ANKIB1: variants seen among roughly 807,000 people sequenced by gnomAD.
ANKIB1 encodes the protein ankyrin repeat and IBR domain-containing protein 1.
A neutral mutation model predicts 122.1 loss-of-function variants in ANKIB1; 43 were observed. The observed-to-expected ratio is 0.35, with a 90% CI of 0.28 to 0.45. The LOEUF (loss-of-function observed/expected upper bound fraction) is 0.45. ANKIB1 is among the 20% of genes least tolerant of loss of function. The probability of loss-of-function intolerance (pLI) is 1.00; values close to 1 mark genes in which losing one functional copy is unlikely to be tolerated. For missense variants in ANKIB1, 992 were observed against 1,329.5 expected (o/e 0.75, Z 3.95); for synonymous variants, 390 against 442.0 (o/e 0.88, Z 1.48).
intron 7 of ANKIB1, among the ~76,000 whole-genome samples, chr7:92,345,440 C>G (rs1187756615): frequency 6.6e-6 from 1 of 152,084 alleles, no homozygotes; most frequent in Non-Finnish European, 1.5e-5. Context: ...TTGTGACAAC[C>G]AAGTTGCCTT....
chr7:92,339,580 A>G lies in ANKIB1; in HGVS notation c.788-3444A>G, dbSNP rs187607844. ...TGTTCGTTCAACAGATTTCTATTGA[A>G]TATACACTTTGAACTAGGCACTAGG... is the stretch of plus-strand genomic sequence containing the variant. On this transcript the variant is annotated intron_variant, in intron 5 of 19. Transcript: ENST00000265742. 2.2e-3 allele frequency among the ~76,000 whole-genome samples: 329 copies of G among 152,312 alleles called. 1 individual carries two copies. The highest frequency in any genetic ancestry group is 5.2e-3 in the Admixed American group (80 of 15,290).
chr7:92,329,397 C>G (rs773395874), intron 5 of ANKIB1, among the ~76,000 whole-genome samples: 5 of 152,036 alleles, frequency 3.3e-5, no homozygotes, highest in Non-Finnish European at 5.9e-5. Context: ...AGGAATAACC[C>G]CAGAGAATCT....
chr7:92,372,498 T>C (rs1255643977), intron 11 of ANKIB1, among the ~76,000 whole-genome samples: 1 of 152,180 alleles, frequency 6.6e-6, no homozygotes, highest in Non-Finnish European at 1.5e-5. Context: ...GATGTCTGTA[T>C]AATACAAGAA....
At chr7:92,276,352 A>G (rs545522911) in intron 1 of ANKIB1, among the ~76,000 whole-genome samples, 22 of 152,362 alleles carry the variant, frequency 1.4e-4, no homozygotes, top group Non-Finnish European at 2.8e-4. Flanking sequence ...AGACACAGAC[A>G]CTGTATATAT....
At chr7:92,300,095 C>T (rs1802431796) in intron 2 of ANKIB1, among the ~76,000 whole-genome samples, 1 of 152,086 alleles carries the variant, frequency 6.6e-6, no homozygotes, top group Non-Finnish European at 1.5e-5. Flanking sequence ...AGGCATGAGC[C>T]GCCACACCTG....
intron 7 of ANKIB1, among the ~76,000 whole-genome samples, chr7:92,348,664 G>A (rs910135064): frequency 2.0e-5 from 3 of 152,160 alleles, no homozygotes; most frequent in Admixed American, 6.5e-5. Flanking sequence ...GATTATAGGC[G>A]TGAGCCACCG....
At chr7:92,321,382 CCT>C (rs908465416) in intron 4 of ANKIB1, among the ~76,000 whole-genome samples, 4 of 152,006 alleles carry the variant, frequency 2.6e-5, no homozygotes, top group African/African-American at 4.8e-5. Context: ...CTTTATACCC[CCT>C]GTTTATTTTT....
intron 8 of ANKIB1, 126 bp downstream of exon 8, chr7:92,351,220 T>C: frequency 1.2e-6 from 1 of 817,648 alleles, no homozygotes; most frequent in South Asian, 3.5e-5. Flanking sequence ...TTAGAAACAC[T>C]TTATCAGAAA....
intron 11 of ANKIB1, among the ~76,000 whole-genome samples, chr7:92,375,493 T>G (rs1348221811): frequency 1.3e-5 from 2 of 152,234 alleles, no homozygotes; most frequent in Non-Finnish European, 2.9e-5. Flanking sequence ...GAAACCAGTT[T>G]CTTTGCTTAT....
chr7:92,355,385 C>A (rs995807495), intron 9 of ANKIB1, among the ~76,000 whole-genome samples: 5 of 152,134 alleles, frequency 3.3e-5, no homozygotes, highest in African/African-American at 1.2e-4. Context: ...TTCTTGGCCA[C>A]CAAACTTAAG....
intron 6 of ANKIB1, 64 bp downstream of exon 6, chr7:92,343,296 T>G: frequency 1.4e-6 from 2 of 1,401,544 alleles, no homozygotes; most frequent in Non-Finnish European, 2.0e-6. Context: ...ATTCAAATGA[T>G]TTAATATTGT....
At chr7:92,385,044 AAAC>A (rs1804603097) in intron 11 of ANKIB1, among the ~76,000 whole-genome samples, 1 of 152,126 alleles carries the variant, frequency 6.6e-6, no homozygotes. Context: ...TACAAGAAAA[AAAC>A]AACCCCATCA....
In ANKIB1 at chr7:92,398,640, G is replaced by C. The variant is rs1562803303; in HGVS notation, c.2961G>C (p.Leu987=). 2 of 1,613,786 alleles carry C rather than the reference G, an allele frequency of 1.2e-6. No individual in the cohort carries two copies. Among genetic ancestry groups the C allele is most frequent in the Non-Finnish European group, 1.7e-6 (2 of 1,179,878 alleles). The stretch of plus-strand genomic sequence containing the variant: ...ACATGAACCCTCAGAGTATTGCCCT[G>C]ATTCCTCCAGCAACTACAGAAATCA... ...FHDMNPQSIA[L]IPPATTEISA... Residue 987 remains leucine, a synonymous_variant, in exon 20 of 20, where the codon CTG becomes CTC. Coordinates refer to ENST00000265742, the MANE Select transcript of ANKIB1 (RefSeq NM_019004.2).
At chr7:92,345,115 A>G (rs1223791307) in intron 7 of ANKIB1, 49 bp downstream of exon 7, 1 of 1,304,924 alleles carries the variant, frequency 7.7e-7, no homozygotes, top group Non-Finnish European at 1.1e-6. Context: ...TAGCACTCTG[A>G]TTTGTTAATA....
At chr7:92,385,122 T>C (rs1369298876) in intron 11 of ANKIB1, among the ~76,000 whole-genome samples, 1 of 152,088 alleles carries the variant, frequency 6.6e-6, no homozygotes, top group Admixed American at 6.6e-5. Context: ...CCAACAGGCA[T>C]GAAAAAATGC....
chr7:92,267,838 C>T (rs1801706990), intron 1 of ANKIB1, among the ~76,000 whole-genome samples: 1 of 152,202 alleles, frequency 6.6e-6, no homozygotes, highest in Middle Eastern at 3.4e-3. Context: ...GGCCCTTTAT[C>T]ATTCTCTAGA....
intron 11 of ANKIB1, among the ~76,000 whole-genome samples, chr7:92,382,740 G>T (rs914294860): frequency 1.3e-5 from 2 of 152,180 alleles, no homozygotes; most frequent in African/African-American, 4.8e-5. Context: ...ATTTAAAGCA[G>T]TGTGCAGAGG....
chr7:92,295,105 C>T lies in ANKIB1; in HGVS notation c.127C>T (p.Pro43Ser), dbSNP rs751300697. The change falls in exon 2 of 20, where the codon CCC becomes TCC. Residue 43 changes from proline (P) to serine (S), a missense_variant. Physicochemically the swap from Pro to Ser is moderately conservative, Grantham distance 74. Coordinates refer to ENST00000265742, the MANE Select transcript of ANKIB1 (RefSeq NM_019004.2). ...SLDPNTSYGE[P>S]YQHNTPLHYA... ...TGATCCAAATACATCTTATGGGGAG[C>T]CCTACCAGCACAATACTCCATTACA... 2.8e-5 allele frequency: 45 copies of T among 1,579,192 alleles called. No individual in the cohort carries two copies. The highest frequency in any genetic ancestry group is 3.8e-5 in the Non-Finnish European group (44 of 1,161,548).
intron 5 of ANKIB1, among the ~76,000 whole-genome samples, chr7:92,330,639 G>A (rs897300767): frequency 1.3e-5 from 2 of 151,998 alleles, no homozygotes; most frequent in African/African-American, 2.4e-5. Flanking sequence ...TCAGGAGATC[G>A]AGACTATCCT....
Sources: gnomAD v4.1 joint callset for allele counts (sites outside exome capture counted in the v4.1 genomes callset) on GRCh38, gnomAD v4.1.1 for gene constraint, MANE v1.5 for transcripts, NCBI Gene and HGNC (gene_info 2026-07-23, HGNC 2026-07-21) for gene names.